CCDC178: variants seen among roughly 807,000 people sequenced by gnomAD.
The protein encoded by CCDC178 is coiled-coil domain containing 178.
A neutral mutation model predicts 117.4 loss-of-function variants in CCDC178; 126 were observed. That is an observed-to-expected ratio of 1.07 (90% confidence interval 0.93 to 1.24). The LOEUF (loss-of-function observed/expected upper bound fraction) is 1.24. Among genes scored for constraint, CCDC178 ranks in the 50% most tolerant of loss-of-function variants. The probability of loss-of-function intolerance (pLI) is 0.00; values close to 1 mark genes in which losing one functional copy is unlikely to be tolerated. For missense variants in CCDC178, 1,030 were observed against 986.9 expected, an observed-to-expected ratio of 1.04 and a Z score of -0.59; for synonymous variants, 283 against 313.4, an observed-to-expected ratio of 0.90 and a Z score of 1.02.
intron 21 of CCDC178, among the ~76,000 whole-genome samples, chr18:33,026,431 A>T (rs2056230895): frequency 6.6e-6 from 1 of 152,108 alleles, no homozygotes. Flanking sequence ...ATACCTCGGA[A>T]TAAAAGTTTA....
chr18:33,131,747 A>C (rs1023362913), intron 20 of CCDC178, among the ~76,000 whole-genome samples: 2 of 151,752 alleles, frequency 1.3e-5, no homozygotes, highest in African/African-American at 4.8e-5. Context: ...ACTGAGCTTC[A>C]GTTTCCTTAA....
chr18:33,062,785 C>T (rs1390139362), intron 21 of CCDC178, among the ~76,000 whole-genome samples: 3 of 152,130 alleles, frequency 2.0e-5, no homozygotes, highest in Non-Finnish European at 1.5e-5. Context: ...CACCATATTA[C>T]ATTCTGCCCT....
chr18:33,193,351 A>ATGTG (rs1041602289), intron 20 of CCDC178, among the ~76,000 whole-genome samples: 1 of 150,144 alleles, frequency 6.7e-6, no homozygotes, highest in African/African-American at 2.4e-5. Flanking sequence ...TTGAGCAAGG[A>ATGTG]TGTGGCAGAG....
At position 33,152,306 on chromosome 18, in the gene CCDC178, C is replaced by A. The variant is rs370785187; in HGVS notation, c.2239-59396G>T. 7.2e-5 allele frequency among the ~76,000 whole-genome samples: 11 copies of A among 152,186 alleles called. No individual in the cohort carries two copies. In the East Asian group the frequency reaches 1.9e-3, roughly 27 times the overall value. Reference sequence around the variant, plus strand: ...ATCAAGATGAAATATAAACCAAAATCATTTTCAAATACGCAAAGTGGGAAT... The same window carrying A: ...ATCAAGATGAAATATAAACCAAAATAATTTTCAAATACGCAAAGTGGGAAT... On this transcript the variant is annotated intron_variant, in intron 20 of 22. Transcript: ENST00000383096.
intron 11 of CCDC178, among the ~76,000 whole-genome samples, chr18:33,313,904 T>C (rs916987455): frequency 2.0e-5 from 3 of 152,056 alleles, no homozygotes; most frequent in Non-Finnish European, 2.9e-5. Flanking sequence ...AAAGGTGCTA[T>C]TAAAAGAAAT....
chr18:33,203,028 A>G (rs1483028861), intron 20 of CCDC178, among the ~76,000 whole-genome samples: 5 of 152,216 alleles, frequency 3.3e-5, no homozygotes, highest in Non-Finnish European at 2.9e-5. Flanking sequence ...CAAAATTTCC[A>G]TCTGGAAGGA....
At chr18:33,256,849 C>T (rs2059686407) in intron 14 of CCDC178, among the ~76,000 whole-genome samples, 1 of 151,968 alleles carries the variant, frequency 6.6e-6, no homozygotes, top group African/African-American at 2.4e-5. Context: ...TTAATTTTTA[C>T]AAGTTTTGGT....
chr18:33,387,971 G>C (rs2063517800), intron 5 of CCDC178, among the ~76,000 whole-genome samples: 1 of 151,894 alleles, frequency 6.6e-6, no homozygotes, highest in Non-Finnish European at 1.5e-5. Flanking sequence ...ATCTGACAAA[G>C]GTCTAATATC....
At chr18:33,175,625 G>A (rs1284595517) in intron 20 of CCDC178, among the ~76,000 whole-genome samples, 1 of 152,208 alleles carries the variant, frequency 6.6e-6, no homozygotes, top group Non-Finnish European at 1.5e-5. Flanking sequence ...ACACTAAGCA[G>A]AGGCCACTGC....
chr18:32,952,166 G>A (rs1304031928), intron 22 of CCDC178, among the ~76,000 whole-genome samples: 3 of 152,186 alleles, frequency 2.0e-5, no homozygotes, highest in Non-Finnish European at 4.4e-5. Flanking sequence ...GAGTTTGGAG[G>A]ACAGTGGCTG....
rs150107371 is a variant in CCDC178, at chr18:33,332,639, A to G, written c.879+535T>C. Reference sequence around the variant, plus strand: ...CATCCAGGCTGGATTGCAGTGGCACAGTCATGGATCACTGCAACCTCAACC... The same window carrying G: ...CATCCAGGCTGGATTGCAGTGGCACGGTCATGGATCACTGCAACCTCAACC... On this transcript the variant is annotated intron_variant, in intron 10 of 22. Coordinates refer to ENST00000383096, the MANE Select transcript of CCDC178 (RefSeq NM_001105528.4). Among the ~76,000 whole-genome samples, 30 of 152,206 alleles carry G rather than the reference A, an allele frequency of 2.0e-4. No individual in the cohort carries two copies. In the East Asian group the frequency reaches 5.8e-3, roughly 29 times the overall value.
chr18:33,039,899 A>G (rs1008928417), intron 21 of CCDC178, among the ~76,000 whole-genome samples: 1 of 151,930 alleles, frequency 6.6e-6, no homozygotes, highest in African/African-American at 2.4e-5. Context: ...TTTTCACTCT[A>G]TTCATCCCAC....
At chr18:33,335,704 G>T (rs942918015) in intron 9 of CCDC178, among the ~76,000 whole-genome samples, 2 of 151,498 alleles carry the variant, frequency 1.3e-5, no homozygotes, top group Admixed American at 6.6e-5. Flanking sequence ...TGTATATTTT[G>T]CTTTCTTTAA....
chr18:32,937,771 G>T lies in CCDC178; in HGVS notation c.*240C>A, dbSNP rs548378515. ...ATTATCAGATGAGGCAAAGCCAATTGCAATCAGTCACCCAGAGCTGAAATT... is the reference window on the plus strand; with the variant it reads ...ATTATCAGATGAGGCAAAGCCAATTTCAATCAGTCACCCAGAGCTGAAATT... On this transcript the variant is annotated 3_prime_UTR_variant, in exon 23 of 23. Transcript: ENST00000383096. 1.5e-5 allele frequency: 7 copies of T among 456,032 alleles called. No homozygotes were observed. In the East Asian group the frequency reaches 2.4e-4, roughly 16 times the overall value. The allele number at this position is 456,032 out of a possible 1,614,324, so 28.2% of individuals were successfully genotyped here.
At chr18:33,048,666 T>G (rs964577257) in intron 21 of CCDC178, among the ~76,000 whole-genome samples, 4 of 152,306 alleles carry the variant, frequency 2.6e-5, no homozygotes, top group Middle Eastern at 3.4e-3. Context: ...GTATACTGAC[T>G]GTGAGAATCG....
chr18:32,950,096 C>A (rs2054447344), intron 22 of CCDC178, among the ~76,000 whole-genome samples: 1 of 152,168 alleles, frequency 6.6e-6, no homozygotes. Context: ...TTGGATGACT[C>A]TTTTCATGAG....
chr18:33,017,073 A>T (rs1007315484), intron 21 of CCDC178, among the ~76,000 whole-genome samples: 9 of 152,038 alleles, frequency 5.9e-5, no homozygotes, highest in African/African-American at 2.2e-4. Context: ...GAATACAACT[A>T]TTCAACATTT....
At chr18:33,140,064 G>C (rs1323531792) in intron 20 of CCDC178, among the ~76,000 whole-genome samples, 1 of 152,232 alleles carries the variant, frequency 6.6e-6, no homozygotes, top group Non-Finnish European at 1.5e-5. Flanking sequence ...AGCCTTGGCA[G>C]CTTCCATGTG....
chr18:33,255,098 CCT>C (rs1193654067), intron 14 of CCDC178, among the ~76,000 whole-genome samples: 1 of 151,978 alleles, frequency 6.6e-6, no homozygotes, highest in African/African-American at 2.4e-5. Flanking sequence ...AACCAGGATG[CCT>C]CTCAAGTTTT....
Sources: gnomAD v4.1 joint callset for allele counts (sites outside exome capture counted in the v4.1 genomes callset) on GRCh38, gnomAD v4.1.1 for gene constraint, MANE v1.5 for transcripts, NCBI Gene and HGNC (gene_info 2026-07-23, HGNC 2026-07-21) for gene names.